The following ORMDL2 variants were observed in gnomAD, a reference collection of about 807,000 sequenced individuals.
ORMDL2 encodes the protein ORMDL sphingolipid biosynthesis regulator 2, also known as ORM1-like protein 2.
A neutral mutation model predicts 13.5 loss-of-function variants in ORMDL2; 11 were observed. That is an observed-to-expected ratio of 0.82 (90% CI 0.51 to 1.35). ORMDL2 has a LOEUF of 1.35. ORMDL2 is among the 40% of genes most tolerant of loss of function. The probability of loss-of-function intolerance (pLI) is 0.00; values close to 1 mark genes in which losing one functional copy is unlikely to be tolerated. For missense variants in ORMDL2, 160 were observed against 191.1 expected (o/e 0.84, Z 0.96); for synonymous variants, 73 against 76.5 (o/e 0.95, Z 0.24).
chr12:55,818,999 G>A lies in ORMDL2; in HGVS notation c.-1G>A. On this transcript the variant is annotated splice_region_variant and 5_prime_UTR_variant, in exon 2 of 4. Transcript: ENST00000243045. The stretch of plus-strand genomic sequence containing the variant: ...CTGCCTGATCCCCCATTACGGCTAG[G>A]ATGAATGTGGGGGTGGCACACAGCG... The A allele has an allele frequency of 6.2e-7, 1 of 1,612,036 alleles. No homozygotes were observed. Among genetic ancestry groups the A allele is most frequent in the Admixed American group, 1.7e-5 (1 of 59,978 alleles).
Position 55,820,253 on chromosome 12 carries a change from TCCCCA to T in ORMDL2, c.327-6_327-2del. The T allele has an allele frequency of 6.2e-7, 1 of 1,605,846 alleles. No individual in the cohort carries two copies. The highest frequency in any genetic ancestry group is 8.5e-7 in the Non-Finnish European group (1 of 1,173,692). ...ACCTCACTCACCCTATTTTTTTCTC[TCCCCA>T]GCTATCTCCTGGCCAGCTTCTATAC... On this transcript the variant is annotated splice_acceptor_variant and splice_polypyrimidine_tract_variant and intron_variant, in intron 3 of 3. Coordinates refer to ENST00000243045, the MANE Select transcript of ORMDL2 (RefSeq NM_014182.5). LOFTEE classifies it high-confidence loss of function.
chr12:55,820,359 C>T lies in ORMDL2; in HGVS notation c.426C>T (p.Phe142=), dbSNP rs775355921. ...TACTGCTGCCGAAGTTGCCCCAGTT[C>T]CATGGGGTTCGTGTCTTTGGCATCA... ...LSVLLPKLPQ[F]HGVRVFGINK... Residue 142 remains phenylalanine (F), a synonymous_variant, in exon 4 of 4, where the codon TTC becomes TTT. Transcript: ENST00000243045. 6.2e-7 allele frequency: 1 copy of T among 1,614,188 alleles called. No individual in the cohort carries two copies. Among genetic ancestry groups the T allele is most frequent in the South Asian group, 1.1e-5 (1 of 91,076 alleles).
Position 55,819,327 on chromosome 12 carries a change from C to T in ORMDL2, c.175-15C>T, listed in dbSNP as rs1306856472. ...TACTTTCTGCCCCTCACACTGCCACCTTCCCTGTTCCCAGGCTACGTATGT... is the reference window on the plus strand; with the variant it reads ...TACTTTCTGCCCCTCACACTGCCACTTTCCCTGTTCCCAGGCTACGTATGT... On this transcript the variant is annotated splice_polypyrimidine_tract_variant and intron_variant, in intron 2 of 3. Transcript: ENST00000243045. The T allele has an allele frequency of 6.2e-7, 1 of 1,609,420 alleles. No individual in the cohort carries two copies. The highest frequency in any genetic ancestry group is 2.2e-5 in the East Asian group (1 of 44,750).
At chr12:55,818,884 CATTCCCA>C (rs1880584443) in intron 1 of ORMDL2, 108 bp from the exon 2 acceptor site, 2 of 850,940 alleles carry the variant, frequency 2.4e-6, no homozygotes, top group Admixed American at 5.5e-5. Flanking sequence ...GTAAGTTCTT[CATTCCCA>C]ATAGAGTTCA....
chr12:55,819,453 A>G lies in ORMDL2; in HGVS notation c.286A>G (p.Thr96Ala), dbSNP rs1319707037. 1 of 1,613,950 alleles carries G rather than the reference A, an allele frequency of 6.2e-7. No individual in the cohort carries two copies. The highest frequency in any genetic ancestry group is 2.2e-5 in the East Asian group (1 of 44,894). Residue 96 changes from threonine (T) to alanine (A), a missense_variant, in exon 3 of 4, where the codon ACC becomes GCC. Coordinates refer to ENST00000243045, the MANE Select transcript of ORMDL2 (RefSeq NM_014182.5). ...GCAAATGGACTATGGGCTCCAGTTT[A>G]CCTCTTCCCGCAAGTTCCTCAGCAT... ...WEQMDYGLQF[T>A]SSRKFLSISP...
Position 55,820,253 on chromosome 12 carries a change from TCCCCAG to T in ORMDL2, c.327-5_327del, listed in dbSNP as rs1214839860. On this transcript the variant is annotated splice_acceptor_variant and splice_polypyrimidine_tract_variant and intron_variant, in intron 3 of 3. Transcript: ENST00000243045. LOFTEE classifies it high-confidence loss of function. ...ACCTCACTCACCCTATTTTTTTCTC[TCCCCAG>T]CTATCTCCTGGCCAGCTTCTATACC... 1 of 1,605,830 alleles carries T rather than the reference TCCCCAG, an allele frequency of 6.2e-7. No individual in the cohort carries two copies. The highest frequency in any genetic ancestry group is 8.5e-7 in the Non-Finnish European group (1 of 1,173,684).
chr12:55,818,976 G>A, intron 1 of ORMDL2, 23 bp from the exon 2 acceptor site: 1 of 1,605,352 alleles, frequency 6.2e-7, no homozygotes, highest in South Asian at 1.1e-5. Flanking sequence ...CTGGACTCCT[G>A]CCTGATCCCC....
intron 1 of ORMDL2, 195 bp downstream of exon 1, chr12:55,818,307 G>C: frequency 3.0e-6 from 1 of 333,304 alleles, no homozygotes; most frequent in Non-Finnish European, 6.0e-6. Context: ...GGGCGGGCAA[G>C]AGCCGCTTCC....
chr12:55,818,776 T>C (rs746964398), intron 1 of ORMDL2: 21 of 538,922 alleles, frequency 3.9e-5, no homozygotes, highest in Non-Finnish European at 6.3e-5. Context: ...CGTGTAAAGA[T>C]CAGAGCAATA....
chr12:55,819,467 G>C lies in ORMDL2; in HGVS notation c.300G>C (p.Lys100Asn), dbSNP rs13587. 1 of 1,614,060 alleles carries C rather than the reference G, an allele frequency of 6.2e-7. No individual in the cohort carries two copies. The highest frequency in any genetic ancestry group is 8.5e-7 in the Non-Finnish European group (1 of 1,180,014). The change falls in exon 3 of 4, where the codon AAG becomes AAC. Residue 100 changes from lysine (K) to asparagine (N), a missense_variant. Coordinates refer to ENST00000243045, the MANE Select transcript of ORMDL2 (RefSeq NM_014182.5). Reference sequence around the variant, plus strand: ...GGCTCCAGTTTACCTCTTCCCGCAAGTTCCTCAGCATCTCTCCTATTGTGC... The same window carrying C: ...GGCTCCAGTTTACCTCTTCCCGCAACTTCCTCAGCATCTCTCCTATTGTGC... ...DYGLQFTSSRKFLSISPIVLY... is the reference protein window; with the variant it reads ...DYGLQFTSSRNFLSISPIVLY...
intron 3 of ORMDL2, 129 bp downstream of exon 3, chr12:55,819,622 C>G (rs985309397): frequency 2.6e-6 from 2 of 782,522 alleles, no homozygotes; most frequent in African/African-American, 3.5e-5. Flanking sequence ...TTATGGTATA[C>G]TAGTTCTAAG....
At chr12:55,820,126 A>G (rs1305189165) in intron 3 of ORMDL2, 134 bp from the exon 4 acceptor site, 4 of 792,400 alleles carry the variant, frequency 5.0e-6, no homozygotes, top group Non-Finnish European at 8.3e-6. Context: ...TTGAGGTTGT[A>G]CTGCACGTAT....
In ORMDL2 at chr12:55,818,097, G is replaced by A; in HGVS notation, c.-17G>A. On this transcript the variant is annotated 5_prime_UTR_variant, in exon 1 of 4. Transcript: ENST00000243045. ...CGGCGCCGCGCCCATAGCCGGACGG[G>A]GATCTGAGCTGGCAGGTAGGAGCTG... is the stretch of plus-strand genomic sequence containing the variant. 1 of 496,848 alleles carries A rather than the reference G, an allele frequency of 2.0e-6. No homozygotes were observed. The highest frequency in any genetic ancestry group is 3.9e-6 in the Non-Finnish European group (1 of 254,450). The allele number at this position is 496,848 out of a possible 1,614,324, so 30.8% of individuals were successfully genotyped here.
chr12:55,820,747 T>G lies in ORMDL2; in HGVS notation c.*352T>G, dbSNP rs981547911. On this transcript the variant is annotated 3_prime_UTR_variant, in exon 4 of 4. Transcript: ENST00000243045. Reference sequence around the variant, plus strand: ...TGCTGTGTATTTTTCTTACAATAATTTTTTTCAGCTATAGCTGCAGTTTAA... The same window carrying G: ...TGCTGTGTATTTTTCTTACAATAATGTTTTTCAGCTATAGCTGCAGTTTAA... 1 of 243,010 alleles carries G rather than the reference T, an allele frequency of 4.1e-6. No homozygotes were observed. The highest frequency in any genetic ancestry group is 5.8e-5 in the South Asian group (1 of 17,144). 15.1% of individuals were successfully genotyped at this position (243,010 alleles called of 1,614,324 possible).
rs370226848 is a variant in ORMDL2, at chr12:55,819,481, C to T, written c.314C>T (p.Ser105Phe). 121 of 1,613,916 alleles carry T rather than the reference C, an allele frequency of 7.5e-5. No individual in the cohort carries two copies. Among genetic ancestry groups the T allele is most frequent in the Non-Finnish European group, 7.5e-5 (88 of 1,179,974 alleles). The change falls in exon 3 of 4, where the codon TCT becomes TTT. Residue 105 changes from serine to phenylalanine, a missense_variant. Ser to Phe is a radical substitution (Grantham distance 155). Transcript: ENST00000243045. ...FTSSRKFLSI[S>F]PIVLYLLASF... ...TCTTCCCGCAAGTTCCTCAGCATCTCTCCTATTGTGCTGTGAGTCTATGGG... is the reference window on the plus strand; with the variant it reads ...TCTTCCCGCAAGTTCCTCAGCATCTTTCCTATTGTGCTGTGAGTCTATGGG...
rs1050009288 is a variant in ORMDL2, at chr12:55,820,426, T to C, written c.*31T>C. On this transcript the variant is annotated 3_prime_UTR_variant, in exon 4 of 4. Transcript: ENST00000243045. ...GGGTTTTGGGACAGCTCCATGGGCA[T>C]GGGGAAGGCACTGAAACAGAGGACT... The C allele has an allele frequency of 1.2e-6, 2 of 1,612,730 alleles. No homozygotes were observed. Among genetic ancestry groups the C allele is most frequent in the Non-Finnish European group, 8.5e-7 (1 of 1,178,754 alleles).
chr12:55,820,484 C>T lies in ORMDL2; in HGVS notation c.*89C>T, dbSNP rs757556143. The T allele has an allele frequency of 4.6e-5, 64 of 1,403,714 alleles. No homozygotes were observed. The Middle Eastern group carries it at 5.3e-4, about 12-fold the overall frequency. The allele number at this position is 1,403,714 out of a possible 1,614,324, so 87.0% of individuals were successfully genotyped here. The stretch of plus-strand genomic sequence containing the variant: ...ATCCTTCTCTTATTCTCCATACTGT[C>T]TTCTACACCTTTAAAGCCTGAGAAC... On this transcript the variant is annotated 3_prime_UTR_variant, in exon 4 of 4. Coordinates refer to ENST00000243045, the MANE Select transcript of ORMDL2 (RefSeq NM_014182.5).
At position 55,819,394 on chromosome 12, in the gene ORMDL2, A is replaced by G; in HGVS notation, c.227A>G (p.Asp76Gly). Reference sequence around the variant, plus strand: ...AAAGGGACACCCTTTGAGACTCCTGACCAAGGAAAGGCTCGGCTACTGACA... The same window carrying G: ...AAAGGGACACCCTTTGAGACTCCTGGCCAAGGAAAGGCTCGGCTACTGACA... ...TVKGTPFETPDQGKARLLTHW... is the reference protein window; with the variant it reads ...TVKGTPFETPGQGKARLLTHW... The change falls in exon 3 of 4, where the codon GAC becomes GGC. Residue 76 changes from aspartate to glycine, a missense_variant. Coordinates refer to ENST00000243045, the MANE Select transcript of ORMDL2 (RefSeq NM_014182.5). 1.2e-6 allele frequency: 2 copies of G among 1,614,074 alleles called. No homozygotes were observed. Among genetic ancestry groups the G allele is most frequent in the Non-Finnish European group, 1.7e-6 (2 of 1,180,002 alleles).
intron 1 of ORMDL2, 30 bp downstream of exon 1, chr12:55,818,142 T>G: frequency 2.2e-6 from 1 of 463,850 alleles, no homozygotes; most frequent in South Asian, 1.6e-5. Flanking sequence ...TAAGGGTTGC[T>G]GAGGAAAAAT....
Sources: allele counts gnomAD v4.1 joint callset, GRCh38; gene constraint gnomAD v4.1.1; transcripts MANE v1.5; gene names NCBI Gene and HGNC (gene_info 2026-07-23, HGNC 2026-07-21).